Variants in TEX36 observed in about 807,000 individuals in gnomAD.
TEX36 encodes the protein testis expressed 36, also known as testis-expressed protein 36.
Under a neutral mutation model 13.6 loss-of-function variants are expected in TEX36, and 12 were observed. The observed-to-expected ratio is 0.88, with a 90% confidence interval of 0.56 to 1.43. TEX36 has a LOEUF of 1.43. Ranked by LOEUF, TEX36 falls within the 40% of genes most tolerant of loss-of-function variation. The pLI is 0.00. For synonymous variants in TEX36, 93 were observed against 83.0 expected (o/e 1.12, Z -0.65); for missense variants, 224 against 228.3 (o/e 0.98, Z 0.12).
rs1023250554 is a variant in TEX36, at chr10:125,582,629, A to T, written c.265-5755T>A. Among the ~76,000 whole-genome samples, 11 of 152,236 alleles carry T rather than the reference A, an allele frequency of 7.2e-5. 1 individual carries two copies. Among genetic ancestry groups the T allele is most frequent in the Non-Finnish European group, 2.9e-5 (2 of 68,046 alleles). On this transcript the variant is annotated intron_variant, in intron 3 of 3. Coordinates refer to the TEX36 transcript ENST00000532135. The stretch of plus-strand genomic sequence containing the variant: ...GTTTAGTTGAGAGTGATTCAGCGGC[A>T]TACACCTAAAGGCACCAATTCATCA...
intron 3 of TEX36, among the ~76,000 whole-genome samples, chr10:125,650,044 T>C (rs1162869405): frequency 1.3e-5 from 2 of 151,960 alleles, no homozygotes; most frequent in African/African-American, 2.4e-5. Context: ...ACACAATAAT[T>C]ATGGGAGACT....
intron 1 of TEX36, chr10:125,667,893 C>T (rs906999103): frequency 3.7e-5 from 56 of 1,501,894 alleles, no homozygotes; most frequent in African/African-American, 3.1e-4. Context: ...ATGCGGTGAG[C>T]GATGTCAGAC....
chr10:125,666,665 C>A (rs960194002), intron 1 of TEX36, among the ~76,000 whole-genome samples: 4 of 152,010 alleles, frequency 2.6e-5, no homozygotes, highest in Admixed American at 6.6e-5. Flanking sequence ...TCTCTCCCCG[C>A]CCCCCCTCCT....
downstream of TEX36, among the ~76,000 whole-genome samples, chr10:125,652,428 A>G (rs1382604935): frequency 1.3e-5 from 2 of 152,240 alleles, no homozygotes; most frequent in Non-Finnish European, 2.9e-5. Flanking sequence ...AAAACTGGCT[A>G]GCCATATGTA....
intron 2 of TEX36, 149 bp from the exon 3 acceptor site, chr10:125,661,250 C>T (rs1399259810): frequency 4.4e-6 from 3 of 681,588 alleles, no homozygotes; most frequent in Admixed American, 2.2e-5. Context: ...GGAGCAGACA[C>T]AGGAGGGGGA....
chr10:125,622,958 G>A lies in TEX36; in HGVS notation c.265-1313C>T, dbSNP rs139890794. The stretch of plus-strand genomic sequence containing the variant: ...CTCTGGAGCTAAGACCTCTAGGCTT[G>A]CAGAACATAGTGTCACAGTAACAGG... On this transcript the variant is annotated intron_variant, in intron 3 of 3. Transcript: ENST00000526819. 2.8e-3 allele frequency among the ~76,000 whole-genome samples: 426 copies of A among 152,314 alleles called. 1 individual carries two copies. Among genetic ancestry groups the A allele is most frequent in the Middle Eastern group, 0.017 (5 of 294 alleles).
At chr10:125,647,236 G>T (rs1264922655) in intron 3 of TEX36, among the ~76,000 whole-genome samples, 1 of 152,124 alleles carries the variant, frequency 6.6e-6, no homozygotes, top group Non-Finnish European at 1.5e-5. Context: ...CACAAACCCA[G>T]AATTATTTAA....
intron 3 of TEX36, among the ~76,000 whole-genome samples, chr10:125,608,010 C>T (rs1846236170): frequency 6.6e-6 from 1 of 152,172 alleles, no homozygotes; most frequent in African/African-American, 2.4e-5. Flanking sequence ...GAACCCAAAG[C>T]TGTGCCAGTC....
intron 3 of TEX36, chr10:125,576,981 T>A: frequency 7.1e-7 from 1 of 1,398,834 alleles, no homozygotes; most frequent in Non-Finnish European, 9.7e-7. Context: ...GCCCAAGCTT[T>A]AAAAACACCC....
chr10:125,617,570 T>C (rs1381102945), downstream of TEX36, among the ~76,000 whole-genome samples: 2 of 152,230 alleles, frequency 1.3e-5, no homozygotes, highest in Non-Finnish European at 2.9e-5. Flanking sequence ...GGATATGAAA[T>C]TCTGGGTTGA....
chr10:125,645,742 TAGGC>T (rs1846759604), intron 3 of TEX36, among the ~76,000 whole-genome samples: 1 of 152,004 alleles, frequency 6.6e-6, no homozygotes, highest in Admixed American at 6.6e-5. Flanking sequence ...GGGTAAAAAA[TAGGC>T]AGAATCTTTC....
intron 3 of TEX36, among the ~76,000 whole-genome samples, chr10:125,612,860 T>C (rs1369209141): frequency 6.6e-6 from 1 of 151,954 alleles, no homozygotes; most frequent in Non-Finnish European, 1.5e-5. Context: ...CTAGATTTCA[T>C]TTGGGTTGTA....
intron 3 of TEX36, among the ~76,000 whole-genome samples, chr10:125,612,103 T>C (rs961991116): frequency 6.7e-6 from 1 of 148,366 alleles, no homozygotes; most frequent in South Asian, 2.1e-4. Context: ...TTTTTTTTTT[T>C]CAGACAGAGT....
chr10:125,653,393 A>G (rs891695096), downstream of TEX36, among the ~76,000 whole-genome samples: 11 of 151,280 alleles, frequency 7.3e-5, no homozygotes, highest in African/African-American at 2.7e-4. Flanking sequence ...AAGGACAGAA[A>G]ACCAAACACT....
At chr10:125,609,779 G>C (rs950955418) in intron 3 of TEX36, among the ~76,000 whole-genome samples, 1 of 152,158 alleles carries the variant, frequency 6.6e-6, no homozygotes. Flanking sequence ...TTGATCATTT[G>C]GTTTCTCCTG....
chr10:125,632,092 G>A (rs192175271), intron 3 of TEX36, among the ~76,000 whole-genome samples: 1 of 152,220 alleles, frequency 6.6e-6, no homozygotes, highest in Non-Finnish European at 1.5e-5. Flanking sequence ...CTGTCCTCAG[G>A]CTGAATGGCA....
chr10:125,576,658 T>A (rs1845827631), exon 4 of TEX36: 1 of 1,475,276 alleles, frequency 6.8e-7, no homozygotes, highest in Non-Finnish European at 9.1e-7. Flanking sequence ...CTAGCTAGGC[T>A]AAGACAAAAG....
In TEX36 at chr10:125,656,117, A is replaced by G; in HGVS notation, c.344T>C (p.Val115Ala). 1 of 1,550,494 alleles carries G rather than the reference A, an allele frequency of 6.4e-7. No individual in the cohort carries two copies. Among genetic ancestry groups the G allele is most frequent in the Non-Finnish European group, 8.7e-7 (1 of 1,146,732 alleles). ...RNFNLWACDY[V>A]PSCLDGFSNN... ...TGAAAAGCCATCAAGACAAGATGGA[A>G]CATAGTCACATGCCCAGAGATTAAA... The change falls in exon 4 of 4, where the codon GTT becomes GCT. Residue 115 changes from valine (V) to alanine (A), a missense_variant. Transcript: ENST00000368821.
At chr10:125,663,977 C>G (rs999496122) in intron 1 of TEX36, among the ~76,000 whole-genome samples, 1 of 152,140 alleles carries the variant, frequency 6.6e-6, no homozygotes, top group African/African-American at 2.4e-5. Context: ...GTACCATTTT[C>G]CATCCCCATG....
Sources: gnomAD v4.1 joint callset for allele counts (sites outside exome capture counted in the v4.1 genomes callset) on GRCh38, gnomAD v4.1.1 for gene constraint, MANE v1.5 for transcripts, NCBI Gene and HGNC (gene_info 2026-07-23, HGNC 2026-07-21) for gene names.